Variants in FOXK1 observed in about 807,000 individuals in gnomAD.
FOXK1 encodes forkhead box K1, also known as forkhead box protein K1.
A neutral mutation model predicts 51.9 loss-of-function variants in FOXK1; 19 were observed. The observed-to-expected ratio is 0.37, with a 90% CI of 0.26 to 0.54. FOXK1 has a LOEUF of 0.54. Ranked by LOEUF, FOXK1 falls within the 20% of genes least tolerant of loss-of-function variation. The probability of loss-of-function intolerance (pLI) is 0.87; values close to 1 mark genes in which losing one functional copy is unlikely to be tolerated. For missense variants in FOXK1, 870 were observed against 1,032.7 expected, an observed-to-expected ratio of 0.84 and a Z score of 2.16; for synonymous variants, 537 against 482.6, an observed-to-expected ratio of 1.11 and a Z score of -1.48.
Position 4,759,441 on chromosome 7 carries a change from C to T in FOXK1, c.1542C>T (p.His514=), listed in dbSNP as rs768365530. The T allele has an allele frequency of 9.4e-6, 15 of 1,594,462 alleles. No individual in the cohort carries two copies. In the Admixed American group the frequency reaches 1.2e-4, roughly 13 times the overall value. ...AGCAGCCCGCGGGCCACGCCATCCA[C>T]GTCGTGCAGCAGGCCCCCACCGTCA... ...TSQQPAGHAI[H]VVQQAPTVTM... The change falls in exon 7 of 9, where the codon CAC becomes CAT. Residue 514 remains histidine, a synonymous_variant. Coordinates refer to ENST00000328914, the MANE Select transcript of FOXK1 (RefSeq NM_001037165.2).
rs890059644 is a variant in FOXK1 at position 4,765,824 on chromosome 7, G to A, written c.*3360G>A. On this transcript the variant is annotated 3_prime_UTR_variant, in exon 9 of 9. Transcript: ENST00000328914. ...CTAGGAGGTAAGTCCCAAAAAGAAC[G>A]TCTTAAGTAGAGCAAAGGCATCCAC... The A allele has an allele frequency of 6.6e-6, 1 of 152,280 alleles. No individual in the cohort carries two copies. The highest frequency in any genetic ancestry group is 2.4e-5 in the African/African-American group (1 of 41,474). 9.4% of individuals were successfully genotyped at this position (152,280 alleles called of 1,614,324 possible). A position where few individuals can be genotyped will look rare whatever the true frequency, so the allele number is the denominator to read the frequency against.
intron 2 of FOXK1, among the ~76,000 whole-genome samples, chr7:4,746,687 C>CA (rs1404265635): frequency 1.3e-5 from 2 of 152,132 alleles, no homozygotes; most frequent in African/African-American, 4.8e-5. Context: ...GACCCTGTCT[C>CA]AAAAAATTAA....
chr7:4,725,149 G>C (rs1206742933), intron 1 of FOXK1, among the ~76,000 whole-genome samples: 3 of 152,250 alleles, frequency 2.0e-5, no homozygotes, highest in African/African-American at 7.2e-5. Flanking sequence ...CGCAGTTCCT[G>C]CAGGCGCGCG....
chr7:4,732,976 C>T (rs760929526), intron 1 of FOXK1, among the ~76,000 whole-genome samples: 1 of 152,158 alleles, frequency 6.6e-6, no homozygotes, highest in Non-Finnish European at 1.5e-5. Context: ...TTGGGTAAGA[C>T]GACATTCCTG....
At chr7:4,720,534 A>G (rs1265186847) in intron 1 of FOXK1, among the ~76,000 whole-genome samples, 1 of 152,014 alleles carries the variant, frequency 6.6e-6, no homozygotes, top group Admixed American at 6.6e-5. Context: ...TAGATGTAAA[A>G]TTTCCCCTGT....
Position 4,730,795 on chromosome 7 carries a change from C to T in FOXK1, c.561-10043C>T, listed in dbSNP as rs1386708497. On this transcript the variant is annotated intron_variant, in intron 1 of 8. Coordinates refer to ENST00000328914, the MANE Select transcript of FOXK1 (RefSeq NM_001037165.2). The surrounding 1 kb of genome is among the most constrained non-coding windows in gnomAD (Gnocchi z 4.7). ...ATGCCTTCCATTTTTAATAGAAAGACAGTATTTTAGGTTAAAAAATTTAAG... is the reference window on the plus strand; with the variant it reads ...ATGCCTTCCATTTTTAATAGAAAGATAGTATTTTAGGTTAAAAAATTTAAG... 2.6e-5 allele frequency among the ~76,000 whole-genome samples: 4 copies of T among 152,050 alleles called. No individual in the cohort carries two copies. The highest frequency in any genetic ancestry group is 2.1e-4 in the South Asian group (1 of 4,824).
intron 7 of FOXK1, 139 bp from the exon 8 acceptor site, chr7:4,760,925 T>A: frequency 5.6e-6 from 4 of 711,776 alleles, no homozygotes; most frequent in Non-Finnish European, 9.9e-6. Flanking sequence ...ATTTCACCCA[T>A]GGGATTTTCC....
In FOXK1 at chr7:4,685,221, CTT is replaced by C. The variant is rs55891300; in HGVS notation, c.560+2372_560+2373del. Among the ~76,000 whole-genome samples the C allele has an allele frequency of 5.3e-3, 548 of 102,576 alleles. 2 individuals are homozygous for C. Among genetic ancestry groups the C allele is most frequent in the African/African-American group, 0.014 (419 of 28,946 alleles). 67.3% of individuals were successfully genotyped at this position (102,576 alleles called of 152,430 possible). ...CACCCTCCTAGAAAAGAGCTATTTG[CTT>C]TTTTTTTTTTTTTTTTTTCTGTCAT... On this transcript the variant is annotated intron_variant, in intron 1 of 8. Coordinates refer to ENST00000328914, the MANE Select transcript of FOXK1 (RefSeq NM_001037165.2).
chr7:4,721,940 A>G (rs971699075), intron 1 of FOXK1, among the ~76,000 whole-genome samples: 8 of 152,224 alleles, frequency 5.3e-5, no homozygotes, highest in African/African-American at 1.9e-4. Context: ...AGATTTCTCA[A>G]ATGTAAATGC....
At position 4,743,043 on chromosome 7, in the gene FOXK1, C is replaced by G. The variant is rs1475422757; in HGVS notation, c.746+2020C>G. Among the ~76,000 whole-genome samples the G allele has an allele frequency of 6.6e-6, 1 of 152,176 alleles. No homozygotes were observed. The highest frequency in any genetic ancestry group is 1.5e-5 in the Non-Finnish European group (1 of 68,036). On this transcript the variant is annotated intron_variant, in intron 2 of 8. Transcript: ENST00000328914. The surrounding 1 kb of genome is among the most constrained non-coding windows in gnomAD (Gnocchi z 5.3). ...CTTCAGCCCCCCACCTTCCCGGGCCCGGTTCCCGTCTGAGTCAGTGCTGTG... is the reference window on the plus strand; with the variant it reads ...CTTCAGCCCCCCACCTTCCCGGGCCGGGTTCCCGTCTGAGTCAGTGCTGTG...
chr7:4,769,981 AGAG>A lies in FOXK1; in HGVS notation c.*7518_*7520del, dbSNP rs1781076213. The A allele has an allele frequency of 6.6e-6, 1 of 152,190 alleles. No homozygotes were observed. The highest frequency in any genetic ancestry group is 1.9e-4 in the East Asian group (1 of 5,186). 9.4% of individuals were successfully genotyped at this position (152,190 alleles called of 1,614,324 possible). On this transcript the variant is annotated 3_prime_UTR_variant, in exon 9 of 9. Coordinates refer to ENST00000328914, the MANE Select transcript of FOXK1 (RefSeq NM_001037165.2). This position sits in a 1 kb window ranked among gnomAD's most constrained non-coding sequence, Gnocchi z 4.1. ...CTTCAATCCGGGCTGACAGCCAAGA[AGAG>A]TTTTCCTCCCTTCGGTGACAGGGCC...
At chr7:4,717,701 C>G (rs1363521680) in intron 1 of FOXK1, among the ~76,000 whole-genome samples, 2 of 152,206 alleles carry the variant, frequency 1.3e-5, no homozygotes, top group East Asian at 1.9e-4. Context: ...TGGTGGCCTC[C>G]TTGTCTCTCT....
chr7:4,732,693 G>C (rs769376677), intron 1 of FOXK1, among the ~76,000 whole-genome samples: 14 of 152,222 alleles, frequency 9.2e-5, no homozygotes, highest in Non-Finnish European at 1.9e-4. Flanking sequence ...CGCAGAGGCA[G>C]TGGCTTTTAA....
chr7:4,705,813 T>C, intron 1 of FOXK1, among the ~76,000 whole-genome samples: 1 of 149,434 alleles, frequency 6.7e-6, no homozygotes, highest in South Asian at 2.1e-4. Flanking sequence ...TGGGATTACA[T>C]GTGTGAGCCA....
At chr7:4,687,220 C>G (rs1779831056) in intron 1 of FOXK1, among the ~76,000 whole-genome samples, 1 of 152,068 alleles carries the variant, frequency 6.6e-6, no homozygotes, top group African/African-American at 2.4e-5. Flanking sequence ...GCGTGAGCCA[C>G]CACGCCCGGC....
At position 4,769,208 on chromosome 7, in the gene FOXK1, A is replaced by T. The variant is rs1387068076; in HGVS notation, c.*6744A>T. The T allele has an allele frequency of 6.6e-6, 1 of 152,168 alleles. No individual in the cohort carries two copies. Among genetic ancestry groups the T allele is most frequent in the Non-Finnish European group, 1.5e-5 (1 of 68,030 alleles). The allele number at this position is 152,168 out of a possible 1,614,324, so 9.4% of individuals were successfully genotyped here. On this transcript the variant is annotated 3_prime_UTR_variant, in exon 9 of 9. Coordinates refer to ENST00000328914, the MANE Select transcript of FOXK1 (RefSeq NM_001037165.2). The surrounding 1 kb of genome is among the most constrained non-coding windows in gnomAD (Gnocchi z 4.1). Reference sequence around the variant, plus strand: ...AGTCACTCTTTGCACCTGCCCTGTCATTCTCGCCATGGGGAAAATGCGTTG... The same window carrying T: ...AGTCACTCTTTGCACCTGCCCTGTCTTTCTCGCCATGGGGAAAATGCGTTG...
In FOXK1 at chr7:4,745,340, T is replaced by C. The variant is rs1780688820; in HGVS notation, c.746+4317T>C. ...CGGGAGTGGCTTGGGAGCGGCTTTTTCCTGGGGGAGCCTCCCTGATCAGCT... is the reference window on the plus strand; with the variant it reads ...CGGGAGTGGCTTGGGAGCGGCTTTTCCCTGGGGGAGCCTCCCTGATCAGCT... On this transcript the variant is annotated intron_variant, in intron 2 of 8. Transcript: ENST00000328914. The surrounding 1 kb of genome is among the most constrained non-coding windows in gnomAD (Gnocchi z 4.3). Among the ~76,000 whole-genome samples, 1 of 151,908 alleles carries C rather than the reference T, an allele frequency of 6.6e-6. No individual in the cohort carries two copies. The highest frequency in any genetic ancestry group is 2.1e-4 in the South Asian group (1 of 4,814).
chr7:4,728,730 G>GAAAAAAAAAAA (rs67143977), intron 1 of FOXK1, among the ~76,000 whole-genome samples: 2 of 103,872 alleles, frequency 1.9e-5, no homozygotes, highest in African/African-American at 3.5e-5. Context: ...GTCTCTTTTT[G>GAAAAAAAAAAA]AAAAAAAAAA....
At chr7:4,718,850 C>T (rs1780270915) in intron 1 of FOXK1, among the ~76,000 whole-genome samples, 1 of 152,210 alleles carries the variant, frequency 6.6e-6, no homozygotes, top group Non-Finnish European at 1.5e-5. Flanking sequence ...ACTCTTGTCA[C>T]CCAGGCTGGA....
Sources: gnomAD v4.1 joint callset for allele counts (sites outside exome capture counted in the v4.1 genomes callset) on GRCh38, gnomAD v4.1.1 for gene constraint, Gnocchi (gnomAD v3.1) non-coding constraint, MANE v1.5 for transcripts, NCBI Gene and HGNC (gene_info 2026-07-23, HGNC 2026-07-21) for gene names.